Variants in HYDIN observed in about 807,000 individuals in gnomAD.
HYDIN encodes axonemal central pair apparatus protein HYDIN.
HYDIN carries 132 observed loss-of-function variants against 403.9 expected under a neutral mutation model. That is an observed-to-expected ratio of 0.33 (90% CI 0.28 to 0.38). The LOEUF (loss-of-function observed/expected upper bound fraction) is 0.38, where lower values mean the gene tolerates loss of function less well. Ranked by LOEUF, HYDIN falls within the 10% of genes least tolerant of loss-of-function variation. The probability of loss-of-function intolerance (pLI) is 1.00; values close to 1 mark genes in which losing one functional copy is unlikely to be tolerated. For missense variants in HYDIN, 2,827 were observed against 5,009.5 expected, an observed-to-expected ratio of 0.56 and a Z score of 13.15; for synonymous variants, 1,202 against 1,891.7, an observed-to-expected ratio of 0.64 and a Z score of 9.46.
At chr16:70,992,859 T>A (rs1341480291) in intron 23 of HYDIN, among the ~76,000 whole-genome samples, 1 of 152,160 alleles carries the variant, frequency 6.6e-6, no homozygotes, top group African/African-American at 2.4e-5. Flanking sequence ...ATGTCCAGGT[T>A]CCACTGATTA....
Position 70,902,821 on chromosome 16 carries a change from A to ATTTTTTTTTTT in HYDIN, c.8849+793_8849+803dup, listed in dbSNP as rs60618592. On this transcript the variant is annotated intron_variant, in intron 52 of 85. Transcript: ENST00000393567. ...TATATATATATATATATATATATATATTTTTTTTTTTTTTTTTGTCCCACT... is the reference window on the plus strand; with the variant it reads ...TATATATATATATATATATATATATATTTTTTTTTTTTTTTTTTTTTTTTTTTTGTCCCACT... Among the ~76,000 whole-genome samples, 38 of 47,288 alleles carry ATTTTTTTTTTT rather than the reference A, an allele frequency of 8.0e-4. 3 individuals carry two copies. Among genetic ancestry groups the ATTTTTTTTTTT allele is most frequent in the Admixed American group, 5.8e-3 (23 of 3,936 alleles). The allele number at this position is 47,288 out of a possible 152,430, so 31.0% of individuals were successfully genotyped here.
intron 13 of HYDIN, among the ~76,000 whole-genome samples, chr16:71,074,677 C>G (rs1039038780): frequency 9.1e-5 from 2 of 21,864 alleles, no homozygotes; most frequent in Non-Finnish European, 1.6e-4. Context: ...GACTCTGTCT[C>G]AAAACAAAAC....
At chr16:70,965,844 A>G (rs1255124020) in intron 36 of HYDIN, among the ~76,000 whole-genome samples, 2 of 152,222 alleles carry the variant, frequency 1.3e-5, no homozygotes, top group East Asian at 3.9e-4. Flanking sequence ...AAAGAAGGCT[A>G]TTGCCCTACC....
intron 23 of HYDIN, among the ~76,000 whole-genome samples, chr16:71,003,436 C>T: frequency 6.6e-6 from 1 of 151,320 alleles, no homozygotes; most frequent in Middle Eastern, 3.2e-3. Flanking sequence ...TTTTATGTTA[C>T]ATTTATTTCT....
rs779626931 is a variant in HYDIN, at chr16:71,027,628, G to A, written c.3016C>T (p.Leu1006Phe). Residue 1006 changes from leucine (L) to phenylalanine (F), a missense_variant, in exon 20 of 86, where the codon CTC (leucine) becomes TTC (phenylalanine). Transcript: ENST00000393567. ...CTGGGAGTAGCAGAATAGCCTTCGA[G>A]TATCACATCAATTGCCTGGCCTGGG... The part of the protein sequence containing the change: ...LYPGQAIDVI[L>F]EGYSATPRIV... 6.2e-7 allele frequency: 1 copy of A among 1,613,684 alleles called. No homozygotes were observed. Among genetic ancestry groups the A allele is most frequent in the African/African-American group, 1.3e-5 (1 of 74,840 alleles).
chr16:70,996,274 G>A (rs1371227794), intron 23 of HYDIN, among the ~76,000 whole-genome samples: 1 of 152,140 alleles, frequency 6.6e-6, no homozygotes, highest in Non-Finnish European at 1.5e-5. Context: ...CACACTCTCG[G>A]GCTCTCCTAG....
chr16:70,826,835 C>T (rs1401381681), intron 83 of HYDIN, among the ~76,000 whole-genome samples: 4 of 134,806 alleles, frequency 3.0e-5, no homozygotes, highest in Non-Finnish European at 6.1e-5. Flanking sequence ...ATCTTAGCTC[C>T]AAATGCTATC....
In HYDIN at chr16:71,003,544, A is replaced by T. The variant is rs1054922957; in HGVS notation, c.3645-11334T>A. Among the ~76,000 whole-genome samples the T allele has an allele frequency of 9.9e-5, 15 of 152,184 alleles. 1 individual carries two copies. The highest frequency in any genetic ancestry group is 3.6e-4 in the African/African-American group (15 of 41,504). ...GGTGTGTTGGCTCATGCCTGTAAGC[A>T]ATCCCAGAACTTTGGGAGGCTGAGG... On this transcript the variant is annotated intron_variant, in intron 23 of 85. Transcript: ENST00000393567.
intron 3 of HYDIN, among the ~76,000 whole-genome samples, 153 bp downstream of exon 3, chr16:71,184,712 C>G (rs2087061032): frequency 6.6e-6 from 1 of 152,118 alleles, no homozygotes; most frequent in Non-Finnish European, 1.5e-5. Flanking sequence ...TACCAAATCA[C>G]AGATATGAAG....
chr16:71,043,105 T>G (rs936502326), intron 18 of HYDIN, among the ~76,000 whole-genome samples: 4 of 151,984 alleles, frequency 2.6e-5, no homozygotes, highest in Non-Finnish European at 5.9e-5. Flanking sequence ...TTATTTTCCT[T>G]CAGAAAGTAA....
At position 71,129,683 on chromosome 16, in the gene HYDIN, T is replaced by C. The variant is rs1368857740; in HGVS notation, c.1184A>G (p.Asp395Gly). ...AACGTTATTGAAGAACAGCTTGCTG[T>C]CTCCCTGCACCAGCCTCCTCTGATT... ...FANQRRLVQG[D>G]SKLFFNNVFT... is the part of the protein sequence containing the mutation. The change falls in exon 9 of 86, where the codon GAC (aspartate) becomes GGC (glycine). Residue 395 changes from aspartate (D) to glycine (G), a missense_variant. By Grantham distance (94) the Asp-to-Gly change is moderately conservative. Transcript: ENST00000393567. 1 of 1,614,070 alleles carries C rather than the reference T, an allele frequency of 6.2e-7. No homozygotes were observed. Among genetic ancestry groups the C allele is most frequent in the African/African-American group, 1.3e-5 (1 of 74,922 alleles).
intron 14 of HYDIN, among the ~76,000 whole-genome samples, chr16:71,067,968 C>G (rs1008610786): frequency 2.0e-5 from 3 of 151,966 alleles, no homozygotes; most frequent in Admixed American, 6.6e-5. Context: ...AAACCATAAA[C>G]AGATTTCAGA....
At chr16:71,221,063 T>C (rs1408703136) in intron 1 of HYDIN, among the ~76,000 whole-genome samples, 1 of 152,062 alleles carries the variant, frequency 6.6e-6, no homozygotes, top group Non-Finnish European at 1.5e-5. Context: ...TGAGCTCTGC[T>C]TGTGGCTGCC....
chr16:71,152,260 G>A (rs13332757), intron 7 of HYDIN, among the ~76,000 whole-genome samples: 51,795 of 151,284 alleles, frequency 0.34, 9,381 homozygotes, highest in East Asian at 0.57. Flanking sequence ...GTGGATCTTA[G>A]CTTACTCGAA....
intron 62 of HYDIN, among the ~76,000 whole-genome samples, chr16:70,875,599 G>A (rs574921639): frequency 9.2e-5 from 14 of 152,188 alleles, no homozygotes; most frequent in African/African-American, 2.9e-4. Context: ...GATATCACAC[G>A]GGAAGCTTCT....
Position 70,884,078 on chromosome 16 carries a change from G to C in HYDIN, c.9821C>G (p.Ser3274Cys). The C allele has an allele frequency of 6.2e-7, 1 of 1,611,542 alleles. No individual in the cohort carries two copies. The highest frequency in any genetic ancestry group is 8.5e-7 in the Non-Finnish European group (1 of 1,178,944). Residue 3274 changes from serine to cysteine, a missense_variant, in exon 59 of 86, where the codon TCC (serine) becomes TGC (cysteine). Transcript: ENST00000393567. Reference protein sequence around the residue: ...GMFTVYPGFGSIPSGGQQVIN... With the variant: ...GMFTVYPGFGCIPSGGQQVIN... ...GACCTGCTGTCCTCCGGAAGGAATG[G>C]AGCCAAACCCAGGGTACACGGTGAA...
intron 1 of HYDIN, among the ~76,000 whole-genome samples, chr16:71,221,997 T>C (rs983892016): frequency 2.6e-5 from 4 of 152,256 alleles, no homozygotes; most frequent in Non-Finnish European, 5.9e-5. Context: ...TGGCTATTTT[T>C]GTACCTCATT....
At chr16:71,187,988 C>T (rs188815665) in intron 1 of HYDIN, among the ~76,000 whole-genome samples, 2 of 152,116 alleles carry the variant, frequency 1.3e-5, no homozygotes, top group Non-Finnish European at 2.9e-5. Flanking sequence ...GATAAGAAAG[C>T]TCAGGTGTTC....
chr16:71,020,114 C>T, intron 22 of HYDIN, 60 bp downstream of exon 22: 1 of 1,566,910 alleles, frequency 6.4e-7, no homozygotes, highest in Non-Finnish European at 8.7e-7. Context: ...CTCTTCTCTT[C>T]CTTTATCACA....
Sources: allele counts gnomAD v4.1 joint callset (sites outside exome capture counted in the v4.1 genomes callset), GRCh38; gene constraint gnomAD v4.1.1; transcripts MANE v1.5; gene names NCBI Gene and HGNC (gene_info 2026-07-23, HGNC 2026-07-21).